Variants in HYCC1 observed in about 807,000 individuals in gnomAD.
The protein encoded by HYCC1 is hyccin PI4KA lipid kinase complex subunit 1, also known as hyccin.
chr7:22,934,131 A>C, the HYCC1 span: 5 of 147,990 alleles, frequency 3.4e-5, no homozygotes, highest in African/African-American at 1.3e-4. Flanking sequence ...TAACATTTTT[A>C]TCTCTCAGTG....
chr7:22,974,312 T>C, the HYCC1 span, among the ~76,000 whole-genome samples: 8 of 152,204 alleles, frequency 5.3e-5, no homozygotes, highest in Non-Finnish European at 4.4e-5. Context: ...ATGTTGATGG[T>C]AGACATTTAC....
At chr7:23,004,995 C>T in the HYCC1 span, among the ~76,000 whole-genome samples, 199 of 152,190 alleles carry the variant, frequency 1.3e-3, no homozygotes, top group African/African-American at 4.0e-3. Context: ...TTAGTAGAGA[C>T]AGGGTTTCAC....
chr7:22,947,226 T>A, the HYCC1 span: 1 of 1,549,580 alleles, frequency 6.5e-7, no homozygotes, highest in Non-Finnish European at 8.7e-7. Flanking sequence ...TTCAGTAGCA[T>A]CATTATTGTT....
chr7:22,972,496 TAATA>T, the HYCC1 span, among the ~76,000 whole-genome samples: 1 of 152,210 alleles, frequency 6.6e-6, no homozygotes, highest in Non-Finnish European at 1.5e-5. Context: ...GTTTCATTCT[TAATA>T]TTTATATTCC....
the HYCC1 span, among the ~76,000 whole-genome samples, chr7:22,916,012 C>A: frequency 1.3e-5 from 2 of 152,224 alleles, no homozygotes; most frequent in South Asian, 2.1e-4. Context: ...GTATGGGACA[C>A]TTTTACTCCT....
the HYCC1 span, among the ~76,000 whole-genome samples, chr7:22,959,896 C>T: frequency 6.6e-6 from 1 of 152,084 alleles, no homozygotes; most frequent in Non-Finnish European, 1.5e-5. Context: ...AATTCACTTG[C>T]TTAAGAGTTC....
the HYCC1 span, among the ~76,000 whole-genome samples, chr7:22,997,041 A>AG: frequency 7.1e-4 from 108 of 152,308 alleles, no homozygotes; most frequent in Admixed American, 1.4e-3. Context: ...AAGGCTTGCT[A>AG]GGAGTCTATG....
chr7:22,967,674 T>C, the HYCC1 span, among the ~76,000 whole-genome samples: 1 of 152,090 alleles, frequency 6.6e-6, no homozygotes, highest in East Asian at 1.9e-4. Flanking sequence ...AGTAGTGAGA[T>C]GAAGGAGGAC....
the HYCC1 span, among the ~76,000 whole-genome samples, chr7:22,922,511 A>G: frequency 7.2e-5 from 11 of 152,264 alleles, no homozygotes; most frequent in Non-Finnish European, 1.5e-4. Flanking sequence ...ACAAGAGAGT[A>G]CTGTGCTGTA....
chr7:23,010,222 G>T, the HYCC1 span, among the ~76,000 whole-genome samples: 1 of 152,216 alleles, frequency 6.6e-6, no homozygotes, highest in Admixed American at 6.5e-5. Context: ...TTGCTTCCAG[G>T]AATGTCTTCC....
At chr7:22,954,479 T>C in the HYCC1 span, among the ~76,000 whole-genome samples, 1 of 151,276 alleles carries the variant, frequency 6.6e-6, no homozygotes, top group Non-Finnish European at 1.5e-5. Context: ...ACTTTTTTGT[T>C]TTTTTTAAAT....
the HYCC1 span, among the ~76,000 whole-genome samples, chr7:22,919,980 C>G: frequency 6.6e-6 from 1 of 152,008 alleles, no homozygotes; most frequent in South Asian, 2.1e-4. Context: ...AAAATAGATG[C>G]AAAGAGATAC....
chr7:23,008,584 CAAT>C, the HYCC1 span, among the ~76,000 whole-genome samples: 1 of 151,806 alleles, frequency 6.6e-6, no homozygotes, highest in East Asian at 1.9e-4. Context: ...TTGACAAAGA[CAAT>C]AATAAGTATT....
chr7:22,927,811 G>C, the HYCC1 span, among the ~76,000 whole-genome samples: 4 of 152,208 alleles, frequency 2.6e-5, no homozygotes, highest in African/African-American at 9.6e-5. Context: ...GAGAAAAAGA[G>C]AGAATCCTCC....
the HYCC1 span, among the ~76,000 whole-genome samples, chr7:23,000,242 T>C: frequency 2.0e-5 from 3 of 152,146 alleles, no homozygotes; most frequent in African/African-American, 4.8e-5. Context: ...TCTACACATA[T>C]GCTATATAAT....
At chr7:22,901,269 A>C in the HYCC1 span, among the ~76,000 whole-genome samples, 3 of 150,966 alleles carry the variant, frequency 2.0e-5, no homozygotes, top group East Asian at 5.8e-4. Flanking sequence ...ATACACCAAT[A>C]ATTCTTTTTA....
chr7:22,907,131 A>AAAAAAAAAAAAAAC, the HYCC1 span, among the ~76,000 whole-genome samples: 1 of 144,442 alleles, frequency 6.9e-6, no homozygotes, highest in African/African-American at 2.5e-5. Context: ...AAAAAAAAAA[A>AAAAAAAAAAAAAAC]GCAATGGTTC....
At chr7:22,945,641 T>C in the HYCC1 span, 1 of 1,613,716 alleles carries the variant, frequency 6.2e-7, no homozygotes, top group South Asian at 1.1e-5. Context: ...CTGACCTGAT[T>C]GATGCTTCAT....
chr7:22,983,328 C>CA, the HYCC1 span, among the ~76,000 whole-genome samples: 27,220 of 110,982 alleles, frequency 0.25, 3,033 homozygotes, highest in Non-Finnish European at 0.32. Context: ...GACCCTGTCT[C>CA]AAAAAAAAAA....
Sources: gnomAD v4.1 joint callset for allele counts (sites outside exome capture counted in the v4.1 genomes callset) on GRCh38, gnomAD v4.1.1 for gene constraint, MANE v1.5 for transcripts, NCBI Gene and HGNC (gene_info 2026-07-23, HGNC 2026-07-21) for gene names.